The following CEP104 variants were observed in gnomAD, a reference collection of about 807,000 sequenced individuals.
CEP104 encodes centrosomal protein of 104 kDa.
Under a neutral mutation model 113.3 loss-of-function variants are expected in CEP104, and 84 were observed. The ratio of observed to expected loss-of-function variants is 0.74; its 90% CI spans 0.62 to 0.89. CEP104 has a LOEUF of 0.89. Ranked by LOEUF, CEP104 falls within the 40% of genes least tolerant of loss-of-function variation. CEP104 has a pLI of 0.00. For synonymous variants in CEP104, 378 were observed against 421.7 expected (o/e 0.90, Z 1.27); for missense variants, 1,053 against 1,156.6 (o/e 0.91, Z 1.30).
intron 12 of CEP104, among the ~76,000 whole-genome samples, chr1:3,831,726 C>A (rs1024606303): frequency 1.3e-5 from 2 of 152,054 alleles, no homozygotes; most frequent in Non-Finnish European, 2.9e-5. Context: ...CAAGTCTTTA[C>A]GTAATTAAGA....
rs976337989 is a variant in CEP104, at chr1:3,815,094, G to A, written c.*308C>T. On this transcript the variant is annotated 3_prime_UTR_variant, in exon 22 of 22. Transcript: ENST00000378230. ...TGGCCTTGCGCGAGCGCCTCCCGGCGGTGCTCTCTGGCTCTCTCCAAACAG... is the reference window on the plus strand; with the variant it reads ...TGGCCTTGCGCGAGCGCCTCCCGGCAGTGCTCTCTGGCTCTCTCCAAACAG... 8.8e-6 allele frequency: 3 copies of A among 341,888 alleles called. No homozygotes were observed. The highest frequency in any genetic ancestry group is 2.2e-5 in the African/African-American group (1 of 45,590). The allele number at this position is 341,888 out of a possible 1,614,324, so 21.2% of individuals were successfully genotyped here.
chr1:3,843,941 G>A (rs1289979011), intron 6 of CEP104, among the ~76,000 whole-genome samples: 1 of 151,738 alleles, frequency 6.6e-6, no homozygotes, highest in Non-Finnish European at 1.5e-5. Flanking sequence ...TTTGTATTTT[G>A]AGTAGAGACA....
chr1:3,831,595 G>A (rs570375898), intron 12 of CEP104, among the ~76,000 whole-genome samples: 29 of 152,272 alleles, frequency 1.9e-4, no homozygotes, highest in African/African-American at 5.5e-4. Context: ...TAGAATCACC[G>A]TTATTTTAGT....
At chr1:3,850,974 G>A (rs755819059) in intron 2 of CEP104, among the ~76,000 whole-genome samples, 2 of 152,230 alleles carry the variant, frequency 1.3e-5, no homozygotes, top group African/African-American at 4.8e-5. Context: ...CCTCTGCAGA[G>A]GGATGCTCCT....
intron 6 of CEP104, among the ~76,000 whole-genome samples, chr1:3,844,530 C>G (rs1644470930): frequency 6.6e-6 from 1 of 151,818 alleles, no homozygotes; most frequent in African/African-American, 2.4e-5. Context: ...AACCCCATCT[C>G]TGCTAAAAAT....
At chr1:3,835,152 C>G in intron 10 of CEP104, 60 bp from the exon 11 acceptor site, 1 of 1,309,478 alleles carries the variant, frequency 7.6e-7, no homozygotes, top group Admixed American at 3.0e-5. Context: ...CACTACACAA[C>G]TTGAAGGCTT....
Position 3,815,438 on chromosome 1 carries a change from C to T in CEP104, c.2742G>A (p.Leu914=). Reference sequence around the variant, plus strand: ...CGTACGTCCTGCTGGAGCTCTTGCTCAGTCCGCCCTTCGGGGTGGGGATCT... The same window carrying T: ...CGTACGTCCTGCTGGAGCTCTTGCTTAGTCCGCCCTTCGGGGTGGGGATCT... ...GSKIPTPKGG[L]SKSSSRTYAK... is the part of the protein sequence containing the mutation. The change falls in exon 22 of 22, where the codon CTG becomes CTA. Residue 914 remains leucine (L), a synonymous_variant. Coordinates refer to ENST00000378230, the MANE Select transcript of CEP104 (RefSeq NM_014704.4). 1 of 1,613,314 alleles carries T rather than the reference C, an allele frequency of 6.2e-7. No homozygotes were observed. The highest frequency in any genetic ancestry group is 8.5e-7 in the Non-Finnish European group (1 of 1,179,894).
At chr1:3,828,408 A>T (rs1341997478) in intron 15 of CEP104, among the ~76,000 whole-genome samples, 1 of 152,154 alleles carries the variant, frequency 6.6e-6, no homozygotes, top group Non-Finnish European at 1.5e-5. Context: ...CTGACGTTCC[A>T]GCATTTGGTG....
At chr1:3,816,576 G>A (rs765638525) in intron 20 of CEP104, 47 of 491,490 alleles carry the variant, frequency 9.6e-5, no homozygotes, top group Non-Finnish European at 1.5e-4. Context: ...AACTCAGGAA[G>A]CAAGAAGTCC....
chr1:3,839,335 T>C (rs1644372225), intron 7 of CEP104, among the ~76,000 whole-genome samples: 1 of 152,140 alleles, frequency 6.6e-6, no homozygotes, highest in East Asian at 1.9e-4. Context: ...TCAGGATAGC[T>C]GGTTTTCCTA....
intron 15 of CEP104, among the ~76,000 whole-genome samples, chr1:3,827,810 C>T (rs1385716456): frequency 6.6e-6 from 1 of 152,248 alleles, no homozygotes; most frequent in Admixed American, 6.5e-5. Context: ...CCCCGCAGCA[C>T]AGACCCACTG....
rs754761861 is a variant in CEP104, at chr1:3,823,879, T to C, written c.2365-317A>G. 6.6e-6 allele frequency among the ~76,000 whole-genome samples: 1 copy of C among 152,164 alleles called. No individual in the cohort carries two copies. Among genetic ancestry groups the C allele is most frequent in the African/African-American group, 2.4e-5 (1 of 41,416 alleles). On this transcript the variant is annotated intron_variant, in intron 18 of 21. Coordinates refer to ENST00000378230, the MANE Select transcript of CEP104 (RefSeq NM_014704.4). The surrounding 1 kb of genome is among the most constrained non-coding windows in gnomAD (Gnocchi z 4.1). ...GCGCAGAGTGGCTCAGTGGTTACAGTGTGGCCCAAGGTTGAAATTGTGGCT... is the reference window on the plus strand; with the variant it reads ...GCGCAGAGTGGCTCAGTGGTTACAGCGTGGCCCAAGGTTGAAATTGTGGCT...
Position 3,837,368 on chromosome 1 carries a change from T to C in CEP104, c.1043A>G (p.Tyr348Cys). ...ATGCTGAGGAGAAATAGTTAGAGAA[T>C]ATGATGAAGGCTTTTCCTGAAGGAA... Reference protein sequence around the residue: ...EPFLQEKPSSYSLTISPQHSA... With the variant: ...EPFLQEKPSSCSLTISPQHSA... Residue 348 changes from tyrosine to cysteine, a missense_variant, in exon 9 of 22, where the codon TAT becomes TGT. Tyr to Cys is a radical substitution (Grantham distance 194, BLOSUM62 -2). Coordinates refer to ENST00000378230, the MANE Select transcript of CEP104 (RefSeq NM_014704.4). 1.9e-6 allele frequency: 3 copies of C among 1,614,212 alleles called. No individual in the cohort carries two copies. Among genetic ancestry groups the C allele is most frequent in the East Asian group, 2.2e-5 (1 of 44,894 alleles).
Position 3,836,477 on chromosome 1 carries a change from T to TG in CEP104, c.1317+17_1317+18insC, listed in dbSNP as rs776041744. Reference sequence around the variant, plus strand: ...TCCCCTCTGCCACCCCGTTTTTTTTTTTTTTTTTTTTTTTTACCAAGGTTT... The same window carrying TG: ...TCCCCTCTGCCACCCCGTTTTTTTTTGTTTTTTTTTTTTTTTACCAAGGTTT... On this transcript the variant is annotated intron_variant, in intron 10 of 21. Coordinates refer to ENST00000378230, the MANE Select transcript of CEP104 (RefSeq NM_014704.4). 38 of 1,451,286 alleles carry TG rather than the reference T, an allele frequency of 2.6e-5. No individual in the cohort carries two copies. In the African/African-American group the frequency reaches 3.3e-4, roughly 12 times the overall value. The allele number at this position is 1,451,286 out of a possible 1,614,324, so 89.9% of individuals were successfully genotyped here.
chr1:3,829,213 C>A, intron 15 of CEP104, 53 bp downstream of exon 15: 1 of 1,236,296 alleles, frequency 8.1e-7, no homozygotes, highest in South Asian at 1.5e-5. Flanking sequence ...ATCTATACAG[C>A]AAAATACATT....
At position 3,836,870 on chromosome 1, in the gene CEP104, A is replaced by G. The variant is rs189931705; in HGVS notation, c.1120-178T>C. ...ATACAACAAATAGGATGTAATTGAA[A>G]AGATTAGATGAGGCTTTCTATTACT... is the stretch of plus-strand genomic sequence containing the variant. On this transcript the variant is annotated intron_variant, in intron 9 of 21. Coordinates refer to ENST00000378230, the MANE Select transcript of CEP104 (RefSeq NM_014704.4). 1,242 of 605,818 alleles carry G rather than the reference A, an allele frequency of 2.1e-3. 10 individuals are homozygous for G. The highest frequency in any genetic ancestry group is 0.02 in the African/African-American group (1,093 of 54,176). The allele number at this position is 605,818 out of a possible 1,614,324, so 37.5% of individuals were successfully genotyped here.
intron 15 of CEP104, 62 bp downstream of exon 15, chr1:3,829,204 T>G (rs1484513496): frequency 2.7e-6 from 3 of 1,105,516 alleles, no homozygotes; most frequent in Non-Finnish European, 3.9e-6. Context: ...ATGATGTGGA[T>G]CTATACAGCA....
chr1:3,856,511 T>C (rs541637262), intron 1 of CEP104, among the ~76,000 whole-genome samples: 67 of 152,328 alleles, frequency 4.4e-4, no homozygotes, highest in African/African-American at 1.6e-3. Context: ...TTAATCTCTA[T>C]AGGGACAGAG....
chr1:3,840,847 C>T (rs1644399382), intron 6 of CEP104, among the ~76,000 whole-genome samples: 1 of 152,192 alleles, frequency 6.6e-6, no homozygotes. Flanking sequence ...GCCAGCATCA[C>T]AGTATTTTTG....
Sources: allele counts gnomAD v4.1 joint callset (sites outside exome capture counted in the v4.1 genomes callset), GRCh38; gene constraint gnomAD v4.1.1; non-coding constraint Gnocchi (gnomAD v3.1); transcripts MANE v1.5; gene names NCBI Gene and HGNC (gene_info 2026-07-23, HGNC 2026-07-21).